Variants in ZNF385D observed in about 807,000 individuals in gnomAD.
ZNF385D encodes the protein zinc finger protein 385D, also known as zinc finger protein 659.
ZNF385D carries 15 observed loss-of-function variants against 35.8 expected under a neutral mutation model. That is an observed-to-expected ratio of 0.42 (90% CI 0.28 to 0.64). The LOEUF is 0.64. Among genes scored for constraint, ZNF385D ranks in the 30% least tolerant of loss-of-function variants. The pLI, the probability that ZNF385D is intolerant of heterozygous loss-of-function variation, is 0.23. For missense variants in ZNF385D, 474 were observed against 494.6 expected (o/e 0.96, Z 0.39); for synonymous variants, 212 against 186.8 (o/e 1.13, Z -1.10).
At chr3:21,884,933 T>A (rs564072012) in intron 3 of ZNF385D, among the ~76,000 whole-genome samples, 1 of 152,170 alleles carries the variant, frequency 6.6e-6, no homozygotes, top group South Asian at 2.1e-4. Flanking sequence ...ATAAAGTTTT[T>A]CAGGGAGAAT....
Position 21,905,689 on chromosome 3 carries a change from A to AATATATATATATATAT in ZNF385D, c.326-240677_326-240662dup, listed in dbSNP as rs4044583. Among the ~76,000 whole-genome samples, 27 of 148,820 alleles carry AATATATATATATATAT rather than the reference A, an allele frequency of 1.8e-4. No homozygotes were observed. In the East Asian group the frequency reaches 2.0e-3, roughly 11 times the overall value. ...AGGTTATTCAAGGATCATCTGTGGT[A>AATATATATATATATAT]ATATATATATATATATATATATTCA... On this transcript the variant is annotated intron_variant, in intron 3 of 5. Coordinates refer to the ZNF385D transcript ENST00000494108.
At chr3:22,088,979 T>C (rs948763109) in intron 3 of ZNF385D, among the ~76,000 whole-genome samples, 1 of 152,206 alleles carries the variant, frequency 6.6e-6, no homozygotes, top group Admixed American at 6.6e-5. Context: ...AAAGATTTAA[T>C]TGAAGATTGT....
At chr3:21,486,626 T>C (rs1559338404) in intron 4 of ZNF385D, among the ~76,000 whole-genome samples, 1 of 152,150 alleles carries the variant, frequency 6.6e-6, no homozygotes, top group Non-Finnish European at 1.5e-5. Context: ...AAGGCTTTAA[T>C]GATCAGGAAA....
At chr3:21,492,965 TA>T (rs1705547741) in intron 4 of ZNF385D, among the ~76,000 whole-genome samples, 1 of 151,976 alleles carries the variant, frequency 6.6e-6, no homozygotes. Flanking sequence ...AATAATGCAT[TA>T]TATCATTATT....
chr3:22,005,046 C>A (rs1300522027), intron 3 of ZNF385D, among the ~76,000 whole-genome samples: 1 of 87,456 alleles, frequency 1.1e-5, no homozygotes, highest in Non-Finnish European at 2.1e-5. Context: ...GAACTCAAAC[C>A]ACTCAGCAGC....
At chr3:21,969,897 A>C (rs1188714017) in intron 3 of ZNF385D, among the ~76,000 whole-genome samples, 1 of 152,188 alleles carries the variant, frequency 6.6e-6, no homozygotes, top group Middle Eastern at 3.2e-3. Context: ...GTAAGGGAGC[A>C]GAACAAGAGT....
At chr3:21,545,822 C>T (rs1420508120) in intron 3 of ZNF385D, among the ~76,000 whole-genome samples, 1 of 152,150 alleles carries the variant, frequency 6.6e-6, no homozygotes, top group Non-Finnish European at 1.5e-5. Flanking sequence ...CACTTTCTAA[C>T]AGGTCTAGGA....
At chr3:21,896,280 T>C (rs1699130483) in intron 3 of ZNF385D, among the ~76,000 whole-genome samples, 2 of 152,212 alleles carry the variant, frequency 1.3e-5, no homozygotes, top group Admixed American at 1.3e-4. Flanking sequence ...ACCTTTGGGA[T>C]CTTTGATGCT....
rs569127213 is a variant in ZNF385D at position 21,898,213 on chromosome 3, T to C, written c.326-233185A>G. ...AGGAGATAAAATTACATTTCAGTGA[T>C]GTTCGATATCACAAAACATTTTATT... On this transcript the variant is annotated intron_variant, in intron 3 of 5. Coordinates refer to the ZNF385D transcript ENST00000494108. Among the ~76,000 whole-genome samples the C allele has an allele frequency of 2.4e-4, 36 of 152,322 alleles. No homozygotes were observed. In the East Asian group the frequency reaches 6.6e-3, roughly 28 times the overall value.
intron 5 of ZNF385D, among the ~76,000 whole-genome samples, chr3:21,434,955 A>G (rs1701478322): frequency 6.6e-6 from 1 of 152,134 alleles, no homozygotes. Flanking sequence ...TCACCTCCTT[A>G]AACTCTTGGA....
intron 2 of ZNF385D, among the ~76,000 whole-genome samples, chr3:22,170,469 A>G (rs150641603): frequency 7.5e-4 from 115 of 152,352 alleles, no homozygotes; most frequent in Middle Eastern, 3.4e-3. Flanking sequence ...TGAAGTCACT[A>G]TCCAAATTCC....
chr3:22,199,902 G>A (rs1696669316), intron 2 of ZNF385D, among the ~76,000 whole-genome samples: 1 of 151,870 alleles, frequency 6.6e-6, no homozygotes, highest in African/African-American at 2.4e-5. Context: ...AATAACAATA[G>A]CAATGACTAT....
intron 3 of ZNF385D, among the ~76,000 whole-genome samples, chr3:22,091,721 G>A (rs76013177): frequency 0.076 from 11,496 of 152,230 alleles, 587 homozygotes; most frequent in Non-Finnish European, 0.11. Flanking sequence ...ATTTGTGGAA[G>A]GCTGCACCAT....
intron 2 of ZNF385D, among the ~76,000 whole-genome samples, chr3:21,640,964 G>C (rs2065587529): frequency 6.6e-6 from 1 of 152,038 alleles, no homozygotes; most frequent in Non-Finnish European, 1.5e-5. Context: ...GTATATGAAG[G>C]AGTGGGATGG....
chr3:22,311,830 T>G (rs562486840), intron 2 of ZNF385D, among the ~76,000 whole-genome samples: 1 of 152,128 alleles, frequency 6.6e-6, no homozygotes, highest in African/African-American at 2.4e-5. Context: ...TTATGAACTC[T>G]GTCAAGCCAT....
chr3:21,737,732 TC>T (rs1342656090), intron 1 of ZNF385D, among the ~76,000 whole-genome samples: 4 of 152,190 alleles, frequency 2.6e-5, no homozygotes, highest in Admixed American at 2.6e-4. Context: ...AGTTCCTGGG[TC>T]TAAAAGGGTC....
chr3:22,264,647 G>T (rs1348840623), intron 2 of ZNF385D, among the ~76,000 whole-genome samples: 1 of 151,814 alleles, frequency 6.6e-6, no homozygotes, highest in Non-Finnish European at 1.5e-5. Context: ...CTTAATATGG[G>T]TCTCCCTACT....
intron 2 of ZNF385D, among the ~76,000 whole-genome samples, chr3:22,302,075 C>A (rs1387820526): frequency 6.6e-6 from 1 of 151,842 alleles, no homozygotes; most frequent in Non-Finnish European, 1.5e-5. Flanking sequence ...TATGAAATTT[C>A]TTGTGCTTGT....
chr3:21,707,324 G>A (rs1218161609), intron 1 of ZNF385D, among the ~76,000 whole-genome samples: 1 of 152,176 alleles, frequency 6.6e-6, no homozygotes, highest in Non-Finnish European at 1.5e-5. Flanking sequence ...GTGTGGGATT[G>A]TTTACAGTCC....
Sources: gnomAD v4.1 joint callset for allele counts (sites outside exome capture counted in the v4.1 genomes callset) on GRCh38, gnomAD v4.1.1 for gene constraint, MANE v1.5 for transcripts, NCBI Gene and HGNC (gene_info 2026-07-23, HGNC 2026-07-21) for gene names.